ZFAND6: variants seen among roughly 807,000 people sequenced by gnomAD.
ZFAND6 encodes AN1-type zinc finger protein 6.
Under a neutral mutation model 24.5 loss-of-function variants are expected in ZFAND6, and 12 were observed. The observed-to-expected ratio is 0.49, with a 90% CI of 0.31 to 0.79. The LOEUF (loss-of-function observed/expected upper bound fraction) is 0.79. Among genes scored for constraint, ZFAND6 ranks in the 30% least tolerant of loss-of-function variants. The pLI is 0.04. For missense variants in ZFAND6, 207 were observed against 245.9 expected, an observed-to-expected ratio of 0.84 and a Z score of 1.06; for synonymous variants, 92 against 81.5, an observed-to-expected ratio of 1.13 and a Z score of -0.69.
intron 2 of ZFAND6, among the ~76,000 whole-genome samples, chr15:80,105,825 C>T (rs146063070): frequency 6.6e-6 from 1 of 152,118 alleles, no homozygotes; most frequent in Non-Finnish European, 1.5e-5. Flanking sequence ...AGGTGTGTTA[C>T]GTTTTAACTG....
At chr15:80,063,880 G>C (rs929117319) in intron 1 of ZFAND6, among the ~76,000 whole-genome samples, 1 of 152,126 alleles carries the variant, frequency 6.6e-6, no homozygotes, top group Non-Finnish European at 1.5e-5. Flanking sequence ...TAGAGACCGC[G>C]TTTCACCATG....
chr15:80,076,698 A>G (rs558423343), intron 1 of ZFAND6, among the ~76,000 whole-genome samples: 2 of 151,990 alleles, frequency 1.3e-5, no homozygotes, highest in South Asian at 4.2e-4. Context: ...GTAAGTGACT[A>G]GCATACTTTA....
chr15:80,136,459 G>A (rs1046696169), intron 6 of ZFAND6, among the ~76,000 whole-genome samples: 6 of 150,634 alleles, frequency 4.0e-5, no homozygotes, highest in Admixed American at 6.6e-5. Flanking sequence ...GTGAGACTCC[G>A]TGTCAAAAAA....
intron 2 of ZFAND6, among the ~76,000 whole-genome samples, chr15:80,118,537 T>G (rs1258355722): frequency 6.6e-6 from 1 of 152,192 alleles, no homozygotes; most frequent in Non-Finnish European, 1.5e-5. Context: ...ACTGTGCTTG[T>G]TATTTTTTAA....
chr15:80,104,131 C>T (rs932866030), intron 2 of ZFAND6, among the ~76,000 whole-genome samples: 5 of 152,032 alleles, frequency 3.3e-5, no homozygotes, highest in African/African-American at 4.8e-5. Context: ...CGTGAGCCAC[C>T]GCCCCTGGCC....
chr15:80,111,188 A>G (rs1425655095), intron 2 of ZFAND6, among the ~76,000 whole-genome samples: 1 of 152,188 alleles, frequency 6.6e-6, no homozygotes, highest in East Asian at 1.9e-4. Context: ...CATCATGGTT[A>G]TAACTCCATA....
intron 1 of ZFAND6, among the ~76,000 whole-genome samples, chr15:80,069,313 T>A (rs117596724): frequency 0.038 from 5,772 of 152,326 alleles, 146 homozygotes; most frequent in Non-Finnish European, 0.052. Flanking sequence ...ACTATTGTGA[T>A]CCCTGTTTCT....
intron 1 of ZFAND6, among the ~76,000 whole-genome samples, chr15:80,080,665 G>A (rs2037610556): frequency 6.6e-6 from 1 of 152,164 alleles, no homozygotes. Flanking sequence ...ACGTGAGACT[G>A]AGTATAAAAA....
In ZFAND6 at chr15:80,115,730, C is replaced by T. The variant is rs12591225; in HGVS notation, c.-17-4598C>T. 0.021 allele frequency among the ~76,000 whole-genome samples: 3,146 copies of T among 151,696 alleles called. 232 individuals are homozygous for T. The East Asian group carries it at 0.23, about 11-fold the overall frequency. Reference sequence around the variant, plus strand: ...AGAATCCTGTGAGAAACCCTTTGTGCCTCTTGAGTTATGAAAATCATTGTT... The same window carrying T: ...AGAATCCTGTGAGAAACCCTTTGTGTCTCTTGAGTTATGAAAATCATTGTT... On this transcript the variant is annotated intron_variant, in intron 2 of 6. Transcript: ENST00000261749.
chr15:80,089,323 C>T lies in ZFAND6; in HGVS notation c.-180-9093C>T, dbSNP rs948033841. Among the ~76,000 whole-genome samples, 3 of 137,024 alleles carry T rather than the reference C, an allele frequency of 2.2e-5. No individual in the cohort carries two copies. In the East Asian group the frequency reaches 6.5e-4, roughly 30 times the overall value. The allele number at this position is 137,024 out of a possible 152,430, so 89.9% of individuals were successfully genotyped here. ...TGTCACCCAGGCTGGAGCAGTGGCA[C>T]GATCTCCTCACTGTAGCCTCCACCT... On this transcript the variant is annotated intron_variant, in intron 1 of 6. Coordinates refer to ENST00000261749, the MANE Select transcript of ZFAND6 (RefSeq NM_019006.4).
At chr15:80,122,584 T>C in intron 4 of ZFAND6, 116 bp from the exon 5 acceptor site, 3 of 631,054 alleles carry the variant, frequency 4.8e-6, no homozygotes, top group Non-Finnish European at 8.2e-6. Context: ...AAAAAAAGTA[T>C]GTCTGTGTTC....
chr15:80,101,234 G>A (rs1267687677), intron 2 of ZFAND6, among the ~76,000 whole-genome samples: 1 of 152,110 alleles, frequency 6.6e-6, no homozygotes, highest in Non-Finnish European at 1.5e-5. Flanking sequence ...AGGCCAAGGC[G>A]GATGGATCAC....
At chr15:80,120,055 C>T (rs2040079531) in intron 2 of ZFAND6, among the ~76,000 whole-genome samples, 1 of 152,170 alleles carries the variant, frequency 6.6e-6, no homozygotes, top group South Asian at 2.1e-4. Flanking sequence ...GGGGTAGAGT[C>T]TTCAAAACAG....
intron 1 of ZFAND6, among the ~76,000 whole-genome samples, chr15:80,086,403 G>A (rs1421999581): frequency 1.3e-5 from 2 of 152,182 alleles, no homozygotes; most frequent in African/African-American, 2.4e-5. Flanking sequence ...TAAGTGTTCA[G>A]TATTTTTTAG....
chr15:80,091,672 T>C (rs979917486), intron 1 of ZFAND6, among the ~76,000 whole-genome samples: 6 of 151,966 alleles, frequency 3.9e-5, no homozygotes, highest in Non-Finnish European at 8.8e-5. Flanking sequence ...AGGATCTTGC[T>C]CTTGTCACCC....
chr15:80,072,621 A>G (rs1244184072), intron 1 of ZFAND6: 1 of 152,070 alleles, frequency 6.6e-6, no homozygotes, highest in African/African-American at 2.4e-5. Flanking sequence ...GAGGTGAAGC[A>G]AACAGAAAAT....
intron 2 of ZFAND6, among the ~76,000 whole-genome samples, chr15:80,110,701 G>A (rs547935261): frequency 1.9e-4 from 29 of 152,178 alleles, no homozygotes; most frequent in African/African-American, 6.3e-4. Flanking sequence ...CATGTATGAG[G>A]CCTAATGTGT....
chr15:80,107,855 G>T (rs915181553), intron 2 of ZFAND6, among the ~76,000 whole-genome samples: 3 of 130,040 alleles, frequency 2.3e-5, no homozygotes, highest in African/African-American at 8.3e-5. Flanking sequence ...GAAGGGAGGG[G>T]AGAAGATGGG....
At chr15:80,075,290 G>T in intron 1 of ZFAND6, 1 of 244,326 alleles carries the variant, frequency 4.1e-6, no homozygotes, top group South Asian at 3.8e-5. Context: ...AAAATTTAAT[G>T]TTATTGCTAC....
Sources: gnomAD v4.1 joint callset for allele counts (sites outside exome capture counted in the v4.1 genomes callset) on GRCh38, gnomAD v4.1.1 for gene constraint, MANE v1.5 for transcripts, NCBI Gene and HGNC (gene_info 2026-07-23, HGNC 2026-07-21) for gene names.